The following PRKCE variants were observed in gnomAD, a reference collection of about 807,000 sequenced individuals.
PRKCE encodes the protein protein kinase C epsilon type.
PRKCE carries 16 observed loss-of-function variants against 85.4 expected under a neutral mutation model. That is an observed-to-expected ratio of 0.19 (90% CI 0.13 to 0.28). PRKCE has a LOEUF of 0.28. Ranked by LOEUF, PRKCE falls within the 10% of genes least tolerant of loss-of-function variation. The pLI is 1.00. For synonymous variants in PRKCE, 388 were observed against 371.5 expected (o/e 1.04, Z -0.51); for missense variants, 573 against 975.2 (o/e 0.59, Z 5.49).
At chr2:45,850,578 A>G (rs1692165775) in intron 2 of PRKCE, among the ~76,000 whole-genome samples, 1 of 152,108 alleles carries the variant, frequency 6.6e-6, no homozygotes, top group Non-Finnish European at 1.5e-5. Flanking sequence ...AGGACCTATT[A>G]CTTTATTCTT....
At chr2:46,179,064 C>G (rs1327580249) in intron 14 of PRKCE, among the ~76,000 whole-genome samples, 1 of 152,118 alleles carries the variant, frequency 6.6e-6, no homozygotes, top group Non-Finnish European at 1.5e-5. Context: ...GGTCACTATG[C>G]TACTTGTGCT....
chr2:45,878,549 C>T (rs562663591), intron 2 of PRKCE, among the ~76,000 whole-genome samples: 1 of 152,184 alleles, frequency 6.6e-6, no homozygotes, highest in African/African-American at 2.4e-5. Context: ...TCCCTGGGTT[C>T]TCACTGTTAT....
At chr2:45,813,614 T>C (rs7559195) in intron 1 of PRKCE, among the ~76,000 whole-genome samples, 122,975 of 152,154 alleles carry the variant, frequency 0.81, 50,193 homozygotes, top group African/African-American at 0.94. Flanking sequence ...TCCAGAGAGG[T>C]GCAAGGAGGT....
At chr2:45,703,015 C>CT (rs200291155) in intron 1 of PRKCE, among the ~76,000 whole-genome samples, 8 of 127,632 alleles carry the variant, frequency 6.3e-5, no homozygotes, top group Admixed American at 6.1e-4. Context: ...TTGAGAAAGC[C>CT]TTTTTTCCCC....
chr2:45,999,385 A>G (rs1374758479), intron 6 of PRKCE, among the ~76,000 whole-genome samples: 1 of 152,124 alleles, frequency 6.6e-6, no homozygotes, highest in Non-Finnish European at 1.5e-5. Flanking sequence ...TTTTTATCTC[A>G]ACATTTTGAA....
At chr2:45,716,690 AGAAGGAAG>A (rs750015013) in intron 1 of PRKCE, among the ~76,000 whole-genome samples, 39 of 112,526 alleles carry the variant, frequency 3.5e-4, no homozygotes, top group African/African-American at 9.4e-4. Flanking sequence ...GAAGAAGAAG[AGAAGGAAG>A]GAAGGAAGGA....
chr2:46,184,925 G>A lies in PRKCE; in HGVS notation c.*44G>A. 1.9e-6 allele frequency: 3 copies of A among 1,597,200 alleles called. No individual in the cohort carries two copies. The highest frequency in any genetic ancestry group is 2.5e-6 in the Non-Finnish European group (3 of 1,178,446). On this transcript the variant is annotated 3_prime_UTR_variant, in exon 15 of 15. Transcript: ENST00000306156. This position sits in a 1 kb window ranked among gnomAD's most constrained non-coding sequence, Gnocchi z 5.0. The stretch of plus-strand genomic sequence containing the variant: ...CTTTGCCGATGCTGCAAGAAGGGGT[G>A]CAGAGAAGACTCCTGTGTTGGAGAC...
At chr2:46,029,590 A>T (rs1707372773) in intron 10 of PRKCE, among the ~76,000 whole-genome samples, 1 of 152,024 alleles carries the variant, frequency 6.6e-6, no homozygotes, top group African/African-American at 2.4e-5. Flanking sequence ...CTGCAACAGG[A>T]AGAAGGAGCA....
At chr2:46,033,514 A>G (rs1446688366) in intron 10 of PRKCE, among the ~76,000 whole-genome samples, 1 of 152,186 alleles carries the variant, frequency 6.6e-6, no homozygotes, top group Non-Finnish European at 1.5e-5. Context: ...TACAGATTCA[A>G]TAGGGCTTGG....
At chr2:46,167,560 G>A (rs1464992087) in intron 14 of PRKCE, among the ~76,000 whole-genome samples, 1 of 152,182 alleles carries the variant, frequency 6.6e-6, no homozygotes, top group Non-Finnish European at 1.5e-5. Flanking sequence ...CAGGGAAGGA[G>A]CACAGTTCAG....
Position 45,818,262 on chromosome 2 carries a change from A to T in PRKCE, c.349-24738A>T, listed in dbSNP as rs1163403583. 2.6e-5 allele frequency among the ~76,000 whole-genome samples: 4 copies of T among 152,220 alleles called. No homozygotes were observed. The East Asian group carries it at 5.8e-4, about 22-fold the overall frequency. On this transcript the variant is annotated intron_variant, in intron 1 of 14. Coordinates refer to ENST00000306156, the MANE Select transcript of PRKCE (RefSeq NM_005400.3). ...TCATTCCAAATATTTGGGACTGAAG[A>T]TGTAAACAAAAAATCAATCTTGTGA...
chr2:46,171,413 G>A (rs975804736), intron 14 of PRKCE, among the ~76,000 whole-genome samples: 9 of 152,236 alleles, frequency 5.9e-5, no homozygotes, highest in African/African-American at 2.2e-4. Flanking sequence ...CAGCAACACC[G>A]CTATTGACAG....
chr2:45,797,281 T>C (rs2105147036), intron 1 of PRKCE, among the ~76,000 whole-genome samples: 1 of 152,276 alleles, frequency 6.6e-6, no homozygotes, highest in South Asian at 2.1e-4. Context: ...ACAAAACCCC[T>C]ACCAGAAATA....
Position 45,652,781 on chromosome 2 carries a change from G to A in PRKCE, c.348+333G>A, listed in dbSNP as rs1389117688. 2.0e-5 allele frequency among the ~76,000 whole-genome samples: 3 copies of A among 152,210 alleles called. No individual in the cohort carries two copies. Among genetic ancestry groups the A allele is most frequent in the African/African-American group, 4.8e-5 (2 of 41,452 alleles). ...CCCGGCTTTCTTCCGCAGGCGCGTG[G>A]TGGGCTGGCTGTGTGTGATTGTGTG... On this transcript the variant is annotated intron_variant, in intron 1 of 14. Coordinates refer to ENST00000306156, the MANE Select transcript of PRKCE (RefSeq NM_005400.3). This position sits in a 1 kb window ranked among gnomAD's most constrained non-coding sequence, Gnocchi z 7.7.
intron 10 of PRKCE, among the ~76,000 whole-genome samples, chr2:46,043,969 G>A (rs1392016770): frequency 6.6e-6 from 1 of 152,226 alleles, no homozygotes; most frequent in African/African-American, 2.4e-5. Flanking sequence ...CTGGCCCACT[G>A]GCTGGGGTGT....
intron 11 of PRKCE, among the ~76,000 whole-genome samples, chr2:46,116,975 A>T (rs1451714722): frequency 6.6e-6 from 1 of 152,212 alleles, no homozygotes; most frequent in Non-Finnish European, 1.5e-5. Flanking sequence ...CAAGAAAATT[A>T]TTGGTCAAAT....
chr2:46,097,414 G>A (rs1670799201), intron 11 of PRKCE, among the ~76,000 whole-genome samples: 2 of 152,016 alleles, frequency 1.3e-5, no homozygotes, highest in Admixed American at 1.3e-4. Flanking sequence ...CAGCTACTCG[G>A]GAGGCTGAGG....
intron 1 of PRKCE, among the ~76,000 whole-genome samples, chr2:45,733,167 G>A (rs1354955635): frequency 1.3e-5 from 2 of 152,356 alleles, no homozygotes; most frequent in East Asian, 1.9e-4. Flanking sequence ...GAAGCTGGCT[G>A]AGGAGGTATC....
chr2:45,687,482 A>G (rs1677387945), intron 1 of PRKCE, among the ~76,000 whole-genome samples: 2 of 152,204 alleles, frequency 1.3e-5, no homozygotes, highest in African/African-American at 4.8e-5. Flanking sequence ...CATAAATTGG[A>G]ACAGCTTCTA....
Sources: gnomAD v4.1 joint callset for allele counts (sites outside exome capture counted in the v4.1 genomes callset) on GRCh38, gnomAD v4.1.1 for gene constraint, Gnocchi (gnomAD v3.1) non-coding constraint, MANE v1.5 for transcripts, NCBI Gene and HGNC (gene_info 2026-07-23, HGNC 2026-07-21) for gene names.